Variants in MAPK4 observed in about 807,000 individuals in gnomAD.
MAPK4 encodes Erk3-related.
In MAPK4, 22 loss-of-function variants were observed where a neutral mutation model predicts 47.7. That is an observed-to-expected ratio of 0.46 (90% CI 0.33 to 0.66). The LOEUF (loss-of-function observed/expected upper bound fraction) is 0.66, where lower values mean the gene tolerates loss of function less well. Ranked by LOEUF, MAPK4 falls within the 30% of genes least tolerant of loss-of-function variation. The probability of loss-of-function intolerance (pLI) is 0.02; values close to 1 mark genes in which losing one functional copy is unlikely to be tolerated. For synonymous variants in MAPK4, 390 were observed against 365.7 expected (o/e 1.07, Z -0.76); for missense variants, 736 against 831.7 (o/e 0.88, Z 1.42).
intron 1 of MAPK4, among the ~76,000 whole-genome samples, chr18:50,596,488 A>G (rs1208278646): frequency 6.6e-6 from 1 of 152,158 alleles, no homozygotes; most frequent in Non-Finnish European, 1.5e-5. Context: ...TTGTGGGAGA[A>G]CCTGTTTATG....
chr18:50,560,919 C>G (rs1435350994), intron 1 of MAPK4, among the ~76,000 whole-genome samples: 1 of 152,244 alleles, frequency 6.6e-6, no homozygotes, highest in African/African-American at 2.4e-5. Context: ...TGCTCTCTAT[C>G]AGGAAAGCAA....
chr18:50,705,267 A>G (rs1262746577), intron 2 of MAPK4: 2 of 152,414 alleles, frequency 1.3e-5, no homozygotes, highest in African/African-American at 2.4e-5. Flanking sequence ...CATTCACCCG[A>G]TTGTAAGTGA....
chr18:50,568,428 T>C (rs1038063833), intron 1 of MAPK4, among the ~76,000 whole-genome samples: 1 of 152,206 alleles, frequency 6.6e-6, no homozygotes, highest in African/African-American at 2.4e-5. Context: ...ATTCTTATTC[T>C]TACAACAGTC....
At chr18:50,719,083 C>A (rs370858013) in intron 3 of MAPK4, among the ~76,000 whole-genome samples, 428 of 124,218 alleles carry the variant, frequency 3.4e-3, no homozygotes, top group Middle Eastern at 4.0e-3. Flanking sequence ...GACTCCACCT[C>A]AAAAAAAAAA....
At chr18:50,623,704 C>T (rs182878460) in intron 1 of MAPK4, among the ~76,000 whole-genome samples, 5 of 152,336 alleles carry the variant, frequency 3.3e-5, no homozygotes, top group Non-Finnish European at 5.9e-5. Flanking sequence ...AACTTGTAAA[C>T]GTGCAAATCA....
chr18:50,703,438 C>T (rs1173441855), intron 2 of MAPK4, among the ~76,000 whole-genome samples: 8 of 152,330 alleles, frequency 5.3e-5, no homozygotes, highest in African/African-American at 1.7e-4. Flanking sequence ...CTTCTGTCTG[C>T]AGGCACCAGG....
rs10551391 is a variant in MAPK4, at chr18:50,567,730, TTGTGTGTG to T, written c.-871+7504_-871+7511del. On this transcript the variant is annotated intron_variant, in intron 1 of 5. Coordinates refer to ENST00000400384, the MANE Select transcript of MAPK4 (RefSeq NM_002747.4). ...TTTCTATAGAATTTTTTATAGGACT[TTGTGTGTG>T]TGTGTGTGTGTGTGTGGGTGGGTGT... 3.4e-5 allele frequency among the ~76,000 whole-genome samples: 5 copies of T among 149,196 alleles called. No homozygotes were observed. The Middle Eastern group carries it at 0.01, about 309-fold the overall frequency.
chr18:50,585,088 G>A (rs1463435942), intron 1 of MAPK4, among the ~76,000 whole-genome samples: 2 of 152,196 alleles, frequency 1.3e-5, no homozygotes, highest in African/African-American at 2.4e-5. Flanking sequence ...TTTCTGCCTG[G>A]TGTTTTTAGG....
intron 2 of MAPK4, among the ~76,000 whole-genome samples, chr18:50,665,191 C>T (rs1295877325): frequency 6.6e-6 from 1 of 152,208 alleles, no homozygotes; most frequent in African/African-American, 2.4e-5. Flanking sequence ...GCTGACCCGG[C>T]CACTCTGCTG....
intron 1 of MAPK4, among the ~76,000 whole-genome samples, chr18:50,590,200 G>C (rs1023432950): frequency 1.3e-5 from 2 of 152,202 alleles, no homozygotes; most frequent in African/African-American, 4.8e-5. Flanking sequence ...AGCAGTTCTT[G>C]GGAATAAAGC....
intron 1 of MAPK4, among the ~76,000 whole-genome samples, chr18:50,638,543 G>A (rs375681074): frequency 2.0e-5 from 3 of 152,120 alleles, no homozygotes; most frequent in Admixed American, 2.0e-4. Flanking sequence ...TTCTCTTCTG[G>A]GAGACCACCT....
At chr18:50,713,354 T>TATA (rs1283157025) in intron 2 of MAPK4, among the ~76,000 whole-genome samples, 1 of 152,238 alleles carries the variant, frequency 6.6e-6, no homozygotes, top group Non-Finnish European at 1.5e-5. Flanking sequence ...GCTATCAACT[T>TATA]ATATAAACTC....
chr18:50,665,243 T>C (rs1722650057), intron 2 of MAPK4, among the ~76,000 whole-genome samples: 1 of 152,166 alleles, frequency 6.6e-6, no homozygotes, highest in African/African-American at 2.4e-5. Flanking sequence ...GGCCCAGACC[T>C]CCTCTTACCT....
intron 4 of MAPK4, among the ~76,000 whole-genome samples, chr18:50,723,185 G>A (rs1354115496): frequency 6.6e-6 from 1 of 152,204 alleles, no homozygotes; most frequent in Non-Finnish European, 1.5e-5. Context: ...CTGTGCCCGG[G>A]ACCCAGGCCA....
At chr18:50,661,836 C>G (rs1000588461) in intron 1 of MAPK4, among the ~76,000 whole-genome samples, 3 of 152,076 alleles carry the variant, frequency 2.0e-5, no homozygotes. Flanking sequence ...ACAGAATTAC[C>G]GAAGATCTGA....
chr18:50,564,832 A>G (rs1568028259), intron 1 of MAPK4, among the ~76,000 whole-genome samples: 1 of 152,166 alleles, frequency 6.6e-6, no homozygotes, highest in African/African-American at 2.4e-5. Flanking sequence ...CCTGGTAACC[A>G]CCAGTCGGGA....
At chr18:50,650,578 A>G (rs1385700153) in intron 1 of MAPK4, among the ~76,000 whole-genome samples, 3 of 152,080 alleles carry the variant, frequency 2.0e-5, no homozygotes, top group Non-Finnish European at 4.4e-5. Flanking sequence ...ACTAGAATGA[A>G]TTGATGTTTT....
At chr18:50,611,828 G>A (rs758521835) in intron 1 of MAPK4, among the ~76,000 whole-genome samples, 9 of 152,172 alleles carry the variant, frequency 5.9e-5, no homozygotes, top group Non-Finnish European at 1.2e-4. Flanking sequence ...GATTCTTTGA[G>A]ATGATCACAC....
intron 1 of MAPK4, chr18:50,560,499 A>C (rs2042143394): frequency 6.6e-6 from 1 of 152,268 alleles, no homozygotes; most frequent in South Asian, 2.1e-4. Flanking sequence ...GCTGTCCTGG[A>C]CCCGTTTGGG....
Sources: allele counts gnomAD v4.1 joint callset (sites outside exome capture counted in the v4.1 genomes callset), GRCh38; gene constraint gnomAD v4.1.1; transcripts MANE v1.5; gene names NCBI Gene and HGNC (gene_info 2026-07-23, HGNC 2026-07-21).